Variants in SH2D4A observed in about 807,000 individuals in gnomAD.
SH2D4A encodes the protein SH2 domain containing 4A.
SH2D4A carries 70 observed loss-of-function variants against 64.7 expected under a neutral mutation model. The observed-to-expected ratio is 1.08, with a 90% confidence interval of 0.89 to 1.32. The LOEUF is 1.32. Ranked by LOEUF, SH2D4A falls within the 40% of genes most tolerant of loss-of-function variation. SH2D4A has a pLI of 0.00. For synonymous variants in SH2D4A, 268 were observed against 200.7 expected (o/e 1.34, Z -2.83); for missense variants, 706 against 540.1 (o/e 1.31, Z -3.04).
intron 4 of SH2D4A, among the ~76,000 whole-genome samples, chr8:19,356,372 T>C (rs1261142405): frequency 1.3e-5 from 2 of 152,198 alleles, no homozygotes; most frequent in East Asian, 3.8e-4. Flanking sequence ...CAATTTCCGA[T>C]GTATGCCAAA....
intron 1 of SH2D4A, among the ~76,000 whole-genome samples, chr8:19,315,495 CAG>C (rs2052072654): frequency 6.6e-6 from 1 of 152,164 alleles, no homozygotes. Flanking sequence ...GTTTAGGTCT[CAG>C]AGTTATTCAA....
At chr8:19,382,823 CTTTTTT>C (rs1159245319) in intron 8 of SH2D4A, among the ~76,000 whole-genome samples, 57 of 64,624 alleles carry the variant, frequency 8.8e-4, no homozygotes, top group African/African-American at 2.8e-3. Flanking sequence ...TTTTAAGATT[CTTTTTT>C]TTTTTTTTTT....
At chr8:19,343,805 T>C (rs1397857619) in intron 4 of SH2D4A, among the ~76,000 whole-genome samples, 1 of 152,148 alleles carries the variant, frequency 6.6e-6, no homozygotes, top group Non-Finnish European at 1.5e-5. Flanking sequence ...TTTTAACCTC[T>C]GAAAAGAGCA....
chr8:19,386,062 C>T (rs1178201533), intron 8 of SH2D4A, among the ~76,000 whole-genome samples: 3 of 152,160 alleles, frequency 2.0e-5, no homozygotes, highest in Admixed American at 6.5e-5. Context: ...AGGCTGTGGC[C>T]AGCAACAATC....
chr8:19,318,813 G>A (rs1352492703), intron 1 of SH2D4A, among the ~76,000 whole-genome samples: 1 of 152,170 alleles, frequency 6.6e-6, no homozygotes, highest in Admixed American at 6.5e-5. Flanking sequence ...ACTTTTTAGG[G>A]AAATTGCAGA....
intron 5 of SH2D4A, among the ~76,000 whole-genome samples, chr8:19,358,878 C>T (rs1563200291): frequency 1.3e-5 from 2 of 152,154 alleles, no homozygotes; most frequent in Non-Finnish European, 2.9e-5. Flanking sequence ...TTTCACAGCT[C>T]ACACCACACA....
intron 1 of SH2D4A, among the ~76,000 whole-genome samples, chr8:19,317,515 A>G (rs2052110267): frequency 6.7e-6 from 1 of 148,210 alleles, no homozygotes; most frequent in Non-Finnish European, 1.5e-5. Context: ...AGTTTCATCA[A>G]GGGCCTGGCT....
intron 9 of SH2D4A, 57 bp downstream of exon 9, chr8:19,393,598 A>C (rs1023556692): frequency 4.5e-6 from 7 of 1,542,112 alleles, no homozygotes; most frequent in Non-Finnish European, 6.2e-6. Context: ...TAGCAGCTCT[A>C]ACAATGAATG....
At chr8:19,385,290 GC>G (rs2053367477) in intron 8 of SH2D4A, among the ~76,000 whole-genome samples, 1 of 150,682 alleles carries the variant, frequency 6.6e-6, no homozygotes, top group African/African-American at 2.4e-5. Context: ...GCTCACTGTA[GC>G]CTCCACCTCC....
intron 8 of SH2D4A, among the ~76,000 whole-genome samples, chr8:19,378,985 G>A (rs2053243844): frequency 1.3e-5 from 2 of 150,428 alleles, no homozygotes; most frequent in African/African-American, 2.5e-5. Context: ...GGGAGGCTAA[G>A]GCAGGAGGAT....
Position 19,395,953 on chromosome 8 carries a change from G to A in SH2D4A, c.*1311G>A, listed in dbSNP as rs564578491. The stretch of plus-strand genomic sequence containing the variant: ...ACCATTTTCATAATGAAGTAGAAAT[G>A]GGAGGTAAGAAAAACATTCCAGCCA... On this transcript the variant is annotated 3_prime_UTR_variant, in exon 10 of 10. Transcript: ENST00000265807. The A allele has an allele frequency of 5.3e-5, 8 of 152,040 alleles. No individual in the cohort carries two copies. The East Asian group carries it at 9.7e-4, about 18-fold the overall frequency. The allele number at this position is 152,040 out of a possible 1,614,324, so 9.4% of individuals were successfully genotyped here. A position where few individuals can be genotyped will look rare whatever the true frequency, so the allele number is the denominator to read the frequency against.
Position 19,354,675 on chromosome 8 carries a change from T to C in SH2D4A, c.514-2528T>C, listed in dbSNP as rs76269412. ...ATACCTGGTTCATGTGTACATGAGA[T>C]GAACTGTTCAGTTTAAGGAATAACT... On this transcript the variant is annotated intron_variant, in intron 4 of 9. Transcript: ENST00000265807. Among the ~76,000 whole-genome samples the C allele has an allele frequency of 8.7e-3, 1,321 of 152,354 alleles. 12 individuals carry two copies. The highest frequency in any genetic ancestry group is 0.03 in the African/African-American group (1,241 of 41,568).
intron 4 of SH2D4A, among the ~76,000 whole-genome samples, chr8:19,353,681 T>TG (rs1245152909): frequency 6.8e-6 from 1 of 146,128 alleles, no homozygotes; most frequent in Non-Finnish European, 1.5e-5. Flanking sequence ...GCTGTTTTTT[T>TG]TTTTTTTTTT....
At chr8:19,338,277 G>A (rs1419841210) in intron 4 of SH2D4A, among the ~76,000 whole-genome samples, 2 of 152,142 alleles carry the variant, frequency 1.3e-5, no homozygotes, top group East Asian at 3.9e-4. Flanking sequence ...TCACCTCCTC[G>A]TGCTGTAGAT....
intron 8 of SH2D4A, among the ~76,000 whole-genome samples, chr8:19,386,689 G>A (rs1346860759): frequency 6.6e-6 from 1 of 152,110 alleles, no homozygotes; most frequent in Non-Finnish European, 1.5e-5. Flanking sequence ...TGCTTTGGGG[G>A]TTTCACTTGG....
At chr8:19,327,221 T>G (rs1478240503) in intron 2 of SH2D4A, among the ~76,000 whole-genome samples, 1 of 152,032 alleles carries the variant, frequency 6.6e-6, no homozygotes, top group Non-Finnish European at 1.5e-5. Flanking sequence ...ATAGCAAACA[T>G]GAAGAGTCCT....
At chr8:19,330,366 G>A (rs1380130959) in intron 2 of SH2D4A, among the ~76,000 whole-genome samples, 2 of 152,156 alleles carry the variant, frequency 1.3e-5, no homozygotes, top group Non-Finnish European at 2.9e-5. Flanking sequence ...ACCATTGTCA[G>A]TGCCACTCTG....
At chr8:19,327,600 G>A (rs778211226) in intron 2 of SH2D4A, among the ~76,000 whole-genome samples, 29 of 152,058 alleles carry the variant, frequency 1.9e-4, no homozygotes, top group Non-Finnish European at 4.3e-4. Context: ...TGTCACCCTT[G>A]ACATCCTTAC....
chr8:19,333,223 G>T, intron 3 of SH2D4A, 109 bp downstream of exon 3: 1 of 1,287,254 alleles, frequency 7.8e-7, no homozygotes. Context: ...GGGTTGGGTT[G>T]GAGGGTCACA....
Sources: allele counts gnomAD v4.1 joint callset (sites outside exome capture counted in the v4.1 genomes callset), GRCh38; gene constraint gnomAD v4.1.1; transcripts MANE v1.5; gene names NCBI Gene and HGNC (gene_info 2026-07-23, HGNC 2026-07-21).